Variants in PRH1 observed in about 807,000 individuals in gnomAD.
The protein encoded by PRH1 is proline rich protein HaeIII subfamily 1, also known as salivary acidic proline-rich phosphoprotein 1/2.
PRH1 carries 7 observed loss-of-function variants against 7.9 expected under a neutral mutation model. The ratio of observed to expected loss-of-function variants is 0.89; its 90% CI spans 0.50 to 1.67. PRH1 has a LOEUF of 1.67. Ranked by LOEUF, PRH1 falls within the 40% of genes most tolerant of loss-of-function variation. The pLI is 0.00. For missense variants in PRH1, 109 were observed against 223.6 expected, an observed-to-expected ratio of 0.49 and a Z score of 3.27; for synonymous variants, 45 against 80.8, an observed-to-expected ratio of 0.56 and a Z score of 2.38.
At chr12:11,158,383 A>G (rs1299279529) in intron 1 of PRH1, among the ~76,000 whole-genome samples, 1 of 143,226 alleles carries the variant, frequency 7.0e-6, no homozygotes, top group Non-Finnish European at 1.6e-5. Flanking sequence ...TATACTTAAC[A>G]TTTTATAATT....
At chr12:10,988,483 A>T (rs1939761776) in intron 1 of PRH1, among the ~76,000 whole-genome samples, 1 of 151,720 alleles carries the variant, frequency 6.6e-6, no homozygotes, top group African/African-American at 2.4e-5. Flanking sequence ...TCCTACTTCA[A>T]CTCTCTAAGA....
intron 1 of PRH1, among the ~76,000 whole-genome samples, chr12:11,150,225 C>A (rs1307631756): frequency 6.6e-6 from 1 of 151,200 alleles, no homozygotes; most frequent in East Asian, 1.9e-4. Context: ...GTTGGTGGGA[C>A]TGTAAACTAG....
intron 2 of PRH1, among the ~76,000 whole-genome samples, chr12:10,921,443 G>T (rs922928817): frequency 6.6e-6 from 1 of 151,732 alleles, no homozygotes; most frequent in Non-Finnish European, 1.5e-5. Flanking sequence ...TTAAATTTTG[G>T]AATAAAATTA....
At chr12:10,951,506 G>A (rs369998676) in intron 2 of PRH1, among the ~76,000 whole-genome samples, 5 of 152,106 alleles carry the variant, frequency 3.3e-5, no homozygotes, top group African/African-American at 1.2e-4. Context: ...CCACATGAAT[G>A]GGAATAGTTT....
At chr12:10,991,183 T>C (rs1939914302) in intron 1 of PRH1, among the ~76,000 whole-genome samples, 2 of 152,132 alleles carry the variant, frequency 1.3e-5, no homozygotes, top group Non-Finnish European at 2.9e-5. Flanking sequence ...AACAGAATGA[T>C]AAAAACATGA....
intron 1 of PRH1, among the ~76,000 whole-genome samples, chr12:10,985,099 A>G (rs1939539249): frequency 6.6e-6 from 1 of 152,074 alleles, no homozygotes; most frequent in South Asian, 2.1e-4. Flanking sequence ...AATACTTGAC[A>G]TCAGATCTCA....
At chr12:11,092,360 A>C in intron 1 of PRH1, 2 of 515,094 alleles carry the variant, frequency 3.9e-6, no homozygotes, top group Non-Finnish European at 7.0e-6. Context: ...TGCTGCTCTT[A>C]AAGATGGTGT....
At chr12:10,909,487 C>G (rs1949863834) in intron 2 of PRH1, 5 of 516,018 alleles carry the variant, frequency 9.7e-6, no homozygotes, top group Admixed American at 3.6e-5. Flanking sequence ...CATAACTGTT[C>G]TGGTGATATC....
At chr12:11,096,467 TA>T (rs1411568560) in intron 1 of PRH1, among the ~76,000 whole-genome samples, 1 of 114,382 alleles carries the variant, frequency 8.7e-6, no homozygotes, top group Non-Finnish European at 2.1e-5. Context: ...ATCAAGTTAT[TA>T]AAAAAAGTTT....
chr12:10,964,684 GA>G (rs1162819953), intron 2 of PRH1: 1 of 620,140 alleles, frequency 1.6e-6, no homozygotes, highest in East Asian at 3.9e-5. Flanking sequence ...CTTTTATGTG[GA>G]CCTTGGTGTT....
At chr12:11,021,600 T>A (rs2136072244) in intron 1 of PRH1, 5 of 1,252,342 alleles carry the variant, frequency 4.0e-6, no homozygotes, top group African/African-American at 3.0e-5. Flanking sequence ...ACACCATCAG[T>A]TTGTTTTCTG....
chr12:11,110,441 G>A lies in PRH1; in HGVS notation n.123+60981C>T, dbSNP rs73266555. ...AAGAAAGGCTGAGTCACCAAAAAGA[G>A]AAGCCCATCAGACTAACAGCAGATC... On this transcript the variant is annotated intron_variant and non_coding_transcript_variant, in intron 1 of 4. Transcript: ENST00000541977. Among the ~76,000 whole-genome samples the A allele has an allele frequency of 9.2e-3, 1,399 of 152,284 alleles. 17 individuals are homozygous for A. The highest frequency in any genetic ancestry group is 0.032 in the African/African-American group (1,315 of 41,550).
chr12:11,159,359 G>C (rs2290318), intron 1 of PRH1: 43,340 of 149,878 alleles, frequency 0.29, 8,115 homozygotes, highest in East Asian at 0.74. Context: ...GGGAGAAATT[G>C]GCTATCTTAA....
chr12:11,064,426 T>C (rs1485952368), intron 1 of PRH1, among the ~76,000 whole-genome samples: 3 of 152,090 alleles, frequency 2.0e-5, no homozygotes, highest in Non-Finnish European at 4.4e-5. Context: ...AATATATATT[T>C]GGCCAGCTTC....
At chr12:10,986,330 C>T in intron 1 of PRH1, 1 of 1,613,960 alleles carries the variant, frequency 6.2e-7, no homozygotes, top group Non-Finnish European at 8.5e-7. Context: ...TAGTTACAGT[C>T]AAATATGAAA....
intron 2 of PRH1, among the ~76,000 whole-genome samples, chr12:10,972,492 A>G (rs781710734): frequency 3.9e-5 from 6 of 152,014 alleles, no homozygotes; most frequent in Non-Finnish European, 7.4e-5. Flanking sequence ...TGTTCTTTCT[A>G]TTTTTTCTTT....
At chr12:10,913,784 G>A (rs1949934723) in intron 2 of PRH1, among the ~76,000 whole-genome samples, 6 of 152,170 alleles carry the variant, frequency 3.9e-5, no homozygotes, top group Admixed American at 3.9e-4. Flanking sequence ...CTATAAGACT[G>A]CAAATTTCTC....
In PRH1 at chr12:10,984,324, A is replaced by G. The variant is rs545156900; in HGVS notation, c.-125-10603T>C. Among the ~76,000 whole-genome samples, 3 of 152,280 alleles carry G rather than the reference A, an allele frequency of 2.0e-5. No individual in the cohort carries two copies. The South Asian group carries it at 6.2e-4, about 32-fold the overall frequency. On this transcript the variant is annotated intron_variant, in intron 1 of 3. Coordinates refer to the PRH1 transcript ENST00000539853. ...GCTATCTTAGAGTGGTATTTCCCCT[A>G]CAATTGTATAATGGCCATACTTCTG...
chr12:11,025,989 G>A (rs1363271307), intron 1 of PRH1, among the ~76,000 whole-genome samples: 1 of 23,092 alleles, frequency 4.3e-5, no homozygotes, highest in African/African-American at 6.6e-5. Context: ...TGTTTTACTC[G>A]ATACTGTTTT....
Sources: allele counts gnomAD v4.1 joint callset (sites outside exome capture counted in the v4.1 genomes callset), GRCh38; gene constraint gnomAD v4.1.1; transcripts MANE v1.5; gene names NCBI Gene and HGNC (gene_info 2026-07-23, HGNC 2026-07-21).